The following FBXO4 variants were observed in gnomAD, a reference collection of about 807,000 sequenced individuals.
FBXO4 encodes F-box only protein 4.
In FBXO4, 36 loss-of-function variants were observed where a neutral mutation model predicts 43.7. The ratio of observed to expected loss-of-function variants is 0.82; its 90% confidence interval spans 0.63 to 1.09. The LOEUF (loss-of-function observed/expected upper bound fraction) is 1.09, where lower values mean the gene tolerates loss of function less well. Among genes scored for constraint, FBXO4 ranks in the 50% least tolerant of loss-of-function variants. FBXO4 has a pLI of 0.00. For synonymous variants in FBXO4, 180 were observed against 165.6 expected (o/e 1.09, Z -0.67); for missense variants, 435 against 474.1 (o/e 0.92, Z 0.77).
chr5:42,038,052 G>A, the FBXO4 span, among the ~76,000 whole-genome samples: 1 of 152,082 alleles, frequency 6.6e-6, no homozygotes, highest in Non-Finnish European at 1.5e-5. Context: ...AAGGAAATGA[G>A]GTGGTATCTC....
the FBXO4 span, among the ~76,000 whole-genome samples, chr5:42,037,610 G>T: frequency 1.3e-5 from 2 of 151,994 alleles, no homozygotes; most frequent in African/African-American, 4.8e-5. Flanking sequence ...CCTCTTAACT[G>T]CTCTATAGAA....
chr5:41,930,968 T>G (rs1157600834), intron 3 of FBXO4, among the ~76,000 whole-genome samples: 2 of 152,228 alleles, frequency 1.3e-5, no homozygotes, highest in African/African-American at 2.4e-5. Context: ...GAACTACATT[T>G]CTAAAAGCAC....
At chr5:41,982,347 C>G in the FBXO4 span, among the ~76,000 whole-genome samples, 1 of 152,168 alleles carries the variant, frequency 6.6e-6, no homozygotes, top group Non-Finnish European at 1.5e-5. Context: ...AATGGTTGAA[C>G]TAGTTTACAG....
At chr5:41,959,709 TC>T in the FBXO4 span, among the ~76,000 whole-genome samples, 3 of 152,158 alleles carry the variant, frequency 2.0e-5, no homozygotes, top group Non-Finnish European at 4.4e-5. Flanking sequence ...CTATTCTGCT[TC>T]ATTGGTCAAG....
chr5:42,016,955 T>C, the FBXO4 span, among the ~76,000 whole-genome samples: 19 of 152,110 alleles, frequency 1.2e-4, no homozygotes, highest in African/African-American at 4.6e-4. Flanking sequence ...CCAAAAGTAT[T>C]CTAACTGTTA....
the FBXO4 span, among the ~76,000 whole-genome samples, chr5:41,946,761 CA>C: frequency 1.3e-5 from 2 of 152,244 alleles, no homozygotes; most frequent in East Asian, 3.9e-4. Context: ...AATTTCTATC[CA>C]TAGCATTAAA....
intron 1 of FBXO4, among the ~76,000 whole-genome samples, chr5:41,926,348 C>T (rs575277185): frequency 2.6e-5 from 4 of 152,124 alleles, no homozygotes; most frequent in South Asian, 4.2e-4. Flanking sequence ...CCCAGGTGGG[C>T]GGATCACGAG....
At chr5:41,939,273 T>C in intron 5 of FBXO4, 168 bp from the exon 6 acceptor site, 2 of 512,974 alleles carry the variant, frequency 3.9e-6, no homozygotes, top group Non-Finnish European at 6.7e-6. Flanking sequence ...TCAAGCATTT[T>C]TGCTTTTAAA....
chr5:42,024,082 C>T, the FBXO4 span, among the ~76,000 whole-genome samples: 1 of 151,936 alleles, frequency 6.6e-6, no homozygotes, highest in Non-Finnish European at 1.5e-5. Context: ...CCTTTATGTC[C>T]CAGGTAAAAT....
At chr5:41,999,559 ATATG>A in the FBXO4 span, among the ~76,000 whole-genome samples, 2 of 136,174 alleles carry the variant, frequency 1.5e-5, no homozygotes, top group African/African-American at 2.8e-5. Flanking sequence ...ATATATATAT[ATATG>A]TATATATATA....
At chr5:41,992,910 G>T in the FBXO4 span, among the ~76,000 whole-genome samples, 9 of 152,124 alleles carry the variant, frequency 5.9e-5, no homozygotes, top group African/African-American at 2.2e-4. Context: ...TTTGTATGCT[G>T]ATTTTTAAGA....
chr5:42,010,365 G>A, the FBXO4 span, among the ~76,000 whole-genome samples: 25 of 152,082 alleles, frequency 1.6e-4, no homozygotes, highest in South Asian at 6.2e-4. Flanking sequence ...AAACTTAGCC[G>A]GGCATGGTAG....
At chr5:41,930,757 T>C (rs1015880507) in intron 3 of FBXO4, among the ~76,000 whole-genome samples, 2 of 150,534 alleles carry the variant, frequency 1.3e-5, no homozygotes, top group South Asian at 2.1e-4. Context: ...CAGCTCCGCC[T>C]CCCGGGTTCA....
At position 41,941,382 on chromosome 5, in the gene FBXO4, C is replaced by A; in HGVS notation, c.*101C>A. 1 of 911,920 alleles carries A rather than the reference C, an allele frequency of 1.1e-6. No homozygotes were observed. Among genetic ancestry groups the A allele is most frequent in the Non-Finnish European group, 1.8e-6 (1 of 564,600 alleles). 56.5% of individuals were successfully genotyped at this position (911,920 alleles called of 1,614,324 possible). A position where few individuals can be genotyped will look rare whatever the true frequency, so the allele number is the denominator to read the frequency against. On this transcript the variant is annotated 3_prime_UTR_variant, in exon 7 of 7. Transcript: ENST00000281623. ...CAGCCCACCTTGTCCTGCCTTTTTG[C>A]AGATAGGCTTTCATTTGGACAGCTA... is the stretch of plus-strand genomic sequence containing the variant.
At chr5:42,007,891 A>T in the FBXO4 span, among the ~76,000 whole-genome samples, 1 of 152,134 alleles carries the variant, frequency 6.6e-6, no homozygotes, top group African/African-American at 2.4e-5. Context: ...ATAGGAAAAG[A>T]TCTACTCAAG....
intron 6 of FBXO4, among the ~76,000 whole-genome samples, chr5:41,939,942 T>G (rs2112588301): frequency 6.7e-6 from 1 of 149,342 alleles, no homozygotes; most frequent in South Asian, 2.2e-4. Flanking sequence ...CTCAACCTCT[T>G]GGGCTCAGGT....
the FBXO4 span, among the ~76,000 whole-genome samples, chr5:42,037,561 G>A: frequency 6.6e-6 from 1 of 152,032 alleles, no homozygotes; most frequent in Non-Finnish European, 1.5e-5. Flanking sequence ...TTTGCCTATT[G>A]CCTCAGAATC....
At chr5:41,965,651 A>G in the FBXO4 span, among the ~76,000 whole-genome samples, 2 of 152,320 alleles carry the variant, frequency 1.3e-5, no homozygotes, top group East Asian at 1.9e-4. Context: ...GGCGATCATT[A>G]AAAAGTCAGT....
At chr5:41,951,710 G>T in the FBXO4 span, 1 of 216,828 alleles carries the variant, frequency 4.6e-6, no homozygotes, top group Non-Finnish European at 9.2e-6. Context: ...GCTGTTGCAT[G>T]GGGTGGCAAT....
Sources: allele counts gnomAD v4.1 joint callset (sites outside exome capture counted in the v4.1 genomes callset), GRCh38; gene constraint gnomAD v4.1.1; transcripts MANE v1.5; gene names NCBI Gene and HGNC (gene_info 2026-07-23, HGNC 2026-07-21).